ARFIP1: variants seen among roughly 807,000 people sequenced by gnomAD.
ARFIP1 encodes the protein ARF interacting protein 1, also known as arfaptin-1.
ARFIP1 carries 24 observed loss-of-function variants against 42.5 expected under a neutral mutation model. The observed-to-expected ratio is 0.57, with a 90% CI of 0.41 to 0.80. ARFIP1 has a LOEUF of 0.80. ARFIP1 is among the 30% of genes least tolerant of loss of function. The pLI is 0.00. For synonymous variants in ARFIP1, 141 were observed against 153.7 expected, an observed-to-expected ratio of 0.92 and a Z score of 0.61; for missense variants, 354 against 434.0, an observed-to-expected ratio of 0.82 and a Z score of 1.64.
chr4:152,903,547 C>G (rs562856032), intron 8 of ARFIP1, among the ~76,000 whole-genome samples: 8 of 151,812 alleles, frequency 5.3e-5, no homozygotes, highest in East Asian at 1.9e-4. Flanking sequence ...AAGGTCCCCT[C>G]TATACCAGGG....
chr4:152,889,645 CT>C (rs1561173173), intron 8 of ARFIP1, among the ~76,000 whole-genome samples: 1 of 122,986 alleles, frequency 8.1e-6, no homozygotes, highest in African/African-American at 3.1e-5. Context: ...TATATATGCA[CT>C]ATATATAGTA....
At chr4:152,827,243 T>A (rs1730909767) in intron 1 of ARFIP1, among the ~76,000 whole-genome samples, 1 of 152,194 alleles carries the variant, frequency 6.6e-6, no homozygotes, top group Admixed American at 6.5e-5. Flanking sequence ...AGTGGCAGAT[T>A]TAGACAGCAT....
intron 6 of ARFIP1, among the ~76,000 whole-genome samples, chr4:152,882,227 A>G (rs1323574807): frequency 6.6e-6 from 1 of 152,160 alleles, no homozygotes; most frequent in Non-Finnish European, 1.5e-5. Context: ...CTTGGGAGTC[A>G]GCTAGTCACC....
At chr4:152,898,272 GC>G (rs1561180893) in intron 8 of ARFIP1, among the ~76,000 whole-genome samples, 1 of 152,050 alleles carries the variant, frequency 6.6e-6, no homozygotes, top group Admixed American at 6.5e-5. Context: ...GTGAGCCACT[GC>G]GCCCGGCTGC....
chr4:152,851,907 C>T (rs921690345), intron 2 of ARFIP1, among the ~76,000 whole-genome samples: 11 of 152,044 alleles, frequency 7.2e-5, no homozygotes, highest in African/African-American at 1.2e-4. Context: ...AAAATGGAGA[C>T]GTTATTTTTC....
intron 8 of ARFIP1, among the ~76,000 whole-genome samples, chr4:152,906,341 A>G (rs575727428): frequency 1.3e-5 from 2 of 152,322 alleles, no homozygotes; most frequent in South Asian, 4.1e-4. Flanking sequence ...GTTAATATCC[A>G]CCTTTTCTCC....
intron 2 of ARFIP1, among the ~76,000 whole-genome samples, chr4:152,853,559 A>G (rs139930483): frequency 1.6e-3 from 237 of 152,228 alleles, no homozygotes; most frequent in African/African-American, 5.3e-3. Flanking sequence ...AGGTGATTAG[A>G]CACTTTTCTT....
intron 1 of ARFIP1, among the ~76,000 whole-genome samples, chr4:152,818,040 G>T (rs1052871830): frequency 1.3e-5 from 2 of 152,218 alleles, no homozygotes; most frequent in Admixed American, 1.3e-4. Context: ...ATGGAAAACA[G>T]TATGGTGGTT....
At chr4:152,895,143 G>A (rs1464152687) in intron 8 of ARFIP1, among the ~76,000 whole-genome samples, 3 of 152,144 alleles carry the variant, frequency 2.0e-5, no homozygotes, top group Non-Finnish European at 1.5e-5. Context: ...GCAAATGATA[G>A]GTCTAAAATA....
intron 1 of ARFIP1, among the ~76,000 whole-genome samples, chr4:152,797,815 A>T (rs767634618): frequency 2.0e-5 from 3 of 152,160 alleles, no homozygotes; most frequent in Non-Finnish European, 2.9e-5. Flanking sequence ...TTTTTGAGTT[A>T]ATTTTATTAT....
chr4:152,788,988 C>T (rs1228679569), intron 1 of ARFIP1, among the ~76,000 whole-genome samples: 2 of 148,406 alleles, frequency 1.3e-5, no homozygotes, highest in Non-Finnish European at 3.0e-5. Context: ...GACTTGTCTG[C>T]TGTTTTTCTC....
chr4:152,813,352 G>A (rs140128777), intron 1 of ARFIP1, among the ~76,000 whole-genome samples: 33 of 152,200 alleles, frequency 2.2e-4, no homozygotes, highest in African/African-American at 6.7e-4. Flanking sequence ...GATACCAAGG[G>A]ATGACTGTAA....
chr4:152,895,551 CTTTTTTTT>C (rs34697452), intron 8 of ARFIP1, among the ~76,000 whole-genome samples: 3 of 63,898 alleles, frequency 4.7e-5, no homozygotes, highest in African/African-American at 7.1e-5. Context: ...TGCACTTGGC[CTTTTTTTT>C]TTTTTTTTTT....
intron 2 of ARFIP1, among the ~76,000 whole-genome samples, chr4:152,857,060 C>G (rs567277148): frequency 1.0e-3 from 159 of 152,166 alleles, no homozygotes; most frequent in Non-Finnish European, 1.9e-3. Context: ...GACTTGGAGA[C>G]TCGGTTTAAA....
chr4:152,866,928 C>G (rs1375079641), intron 3 of ARFIP1, among the ~76,000 whole-genome samples: 1 of 151,638 alleles, frequency 6.6e-6, no homozygotes, highest in Non-Finnish European at 1.5e-5. Context: ...TCCTCACTTC[C>G]TAGATGGATG....
chr4:152,858,106 A>G (rs554183658), intron 2 of ARFIP1, among the ~76,000 whole-genome samples: 1 of 152,290 alleles, frequency 6.6e-6, no homozygotes, highest in Admixed American at 6.5e-5. Context: ...AGCTGGGGCA[A>G]CATGGCGAAA....
At chr4:152,824,185 G>GT (rs1730628383) in intron 1 of ARFIP1, among the ~76,000 whole-genome samples, 1 of 150,044 alleles carries the variant, frequency 6.7e-6, no homozygotes, top group Admixed American at 6.6e-5. Flanking sequence ...TGTTGGTGCA[G>GT]GCCTGTAATC....
chr4:152,910,267 C>T lies in ARFIP1; in HGVS notation c.*48C>T. 1 of 1,586,892 alleles carries T rather than the reference C, an allele frequency of 6.3e-7. No homozygotes were observed. The highest frequency in any genetic ancestry group is 8.6e-7 in the Non-Finnish European group (1 of 1,163,782). ...AAAGTCGCGTTGTTATATTTCTAAA[C>T]CAACCTAACAAGAATTAAGCAGAGT... On this transcript the variant is annotated 3_prime_UTR_variant, in exon 9 of 9. Transcript: ENST00000353617.
In ARFIP1 at chr4:152,875,714, CTT is replaced by C. The variant is rs61013994; in HGVS notation, c.411+3163_411+3164del. Among the ~76,000 whole-genome samples the C allele has an allele frequency of 4.7e-3, 655 of 139,564 alleles. 2 individuals carry two copies. The highest frequency in any genetic ancestry group is 0.015 in the African/African-American group (586 of 38,246). The allele number at this position is 139,564 out of a possible 152,430, so 91.6% of individuals were successfully genotyped here. ...TTGCTTGTACTTAAATATCTTTATT[CTT>C]TTTTTTTTTTTTGGCACTACAGAAG... On this transcript the variant is annotated intron_variant, in intron 5 of 8. Transcript: ENST00000353617.
Sources: gnomAD v4.1 joint callset for allele counts (sites outside exome capture counted in the v4.1 genomes callset) on GRCh38, gnomAD v4.1.1 for gene constraint, MANE v1.5 for transcripts, NCBI Gene and HGNC (gene_info 2026-07-23, HGNC 2026-07-21) for gene names.